Variants in ACLY observed in about 807,000 individuals in gnomAD.
ACLY encodes ATP citrate lyase.
In ACLY, 41 loss-of-function variants were observed where a neutral mutation model predicts 133.0. That is an observed-to-expected ratio of 0.31 (90% confidence interval 0.24 to 0.40). The LOEUF is 0.40. Ranked by LOEUF, ACLY falls within the 10% of genes least tolerant of loss-of-function variation. The probability of loss-of-function intolerance (pLI) is 1.00; values close to 1 mark genes in which losing one functional copy is unlikely to be tolerated. For missense variants in ACLY, 1,046 were observed against 1,453.8 expected, an observed-to-expected ratio of 0.72 and a Z score of 4.56; for synonymous variants, 495 against 549.3, an observed-to-expected ratio of 0.90 and a Z score of 1.38.
At chr17:41,920,690 A>G (rs1267144464), upstream of ACLY, among the ~76,000 whole-genome samples, 2 of 151,684 alleles carry the variant, frequency 1.3e-5, no homozygotes, top group African/African-American at 4.8e-5. Context: ...GCAGATTGCT[A>G]GAGCCCAGAA....
At chr17:41,921,621 A>C (rs1343992182), upstream of ACLY, among the ~76,000 whole-genome samples, 1 of 152,168 alleles carries the variant, frequency 6.6e-6, no homozygotes, top group African/African-American at 2.4e-5. Flanking sequence ...TGAGCCCAGG[A>C]GTTCCAACCC....
At chr17:41,913,630 T>G in intron 2 of ACLY, 85 bp downstream of exon 2, 1 of 1,445,406 alleles carries the variant, frequency 6.9e-7, no homozygotes, top group Non-Finnish European at 9.5e-7. Context: ...CCCATGACCC[T>G]ATCGGCATCA....
intron 1 of ACLY, among the ~76,000 whole-genome samples, chr17:41,916,736 CTCT>C (rs2050062074): frequency 6.6e-6 from 1 of 152,058 alleles, no homozygotes; most frequent in Non-Finnish European, 1.5e-5. Context: ...AGGCCTCAGA[CTCT>C]TCTGAGACTG....
chr17:41,879,505 CCTCCTTGGG>C (rs1169371643), intron 20 of ACLY, among the ~76,000 whole-genome samples: 2 of 146,770 alleles, frequency 1.4e-5, no homozygotes, highest in African/African-American at 5.0e-5. Flanking sequence ...GGCACCTTGG[CCTCCTTGGG>C]CTCAGGTAAT....
chr17:41,922,399 G>C (rs1481906374), upstream of ACLY, among the ~76,000 whole-genome samples: 2 of 146,818 alleles, frequency 1.4e-5, no homozygotes, highest in African/African-American at 5.1e-5. Context: ...AAAAGATGCA[G>C]TCAGCCGTGA....
In ACLY at chr17:41,913,703, G is replaced by T; in HGVS notation, c.159+12C>A. On this transcript the variant is annotated intron_variant, in intron 2 of 28. Coordinates refer to ENST00000352035, the MANE Select transcript of ACLY (RefSeq NM_001096.3). ...GCCTGGAAGAAAGGCCCAAAGTGGA[G>T]GCAGGGCTCACCTGGCTGAGCAGCC... 6.2e-7 allele frequency: 1 copy of T among 1,613,094 alleles called. No individual in the cohort carries two copies.
intron 8 of ACLY, among the ~76,000 whole-genome samples, chr17:41,906,074 A>T (rs1369008833): frequency 1.3e-5 from 2 of 152,226 alleles, no homozygotes; most frequent in Non-Finnish European, 2.9e-5. Flanking sequence ...GCAGGTGTCT[A>T]CCATGCTTAA....
chr17:41,876,389 G>A (rs1194902926), intron 22 of ACLY, among the ~76,000 whole-genome samples: 9 of 152,184 alleles, frequency 5.9e-5, no homozygotes, highest in Admixed American at 2.6e-4. Context: ...CCCTCTGCCC[G>A]GCCACCACCC....
chr17:41,898,578 T>C (rs1166544188), intron 12 of ACLY, 53 bp downstream of exon 12: 1 of 1,592,016 alleles, frequency 6.3e-7, no homozygotes, highest in Non-Finnish European at 8.6e-7. Context: ...TGTATCCTAG[T>C]GGAAAAGATG....
intron 11 of ACLY, among the ~76,000 whole-genome samples, chr17:41,899,687 G>C (rs1221328395): frequency 6.6e-6 from 1 of 152,038 alleles, no homozygotes; most frequent in Non-Finnish European, 1.5e-5. Flanking sequence ...GCATGATCTG[G>C]TAACTTCACT....
chr17:41,907,611 T>C, intron 6 of ACLY, 39 bp from the exon 7 acceptor site: 2 of 1,603,294 alleles, frequency 1.2e-6, no homozygotes, highest in Non-Finnish European at 1.7e-6. Flanking sequence ...ACACCGGCTC[T>C]GGGTAGAGAC....
chr17:41,904,855 A>G lies in ACLY; in HGVS notation c.1004-65T>C, dbSNP rs1242131409. On this transcript the variant is annotated intron_variant, in intron 9 of 28. Coordinates refer to ENST00000352035, the MANE Select transcript of ACLY (RefSeq NM_001096.3). ...GGTAGACTTGAGCATCTTCCCAGCAATCCAACTGAGGAAGTTCTTGTTCCC... is the reference window on the plus strand; with the variant it reads ...GGTAGACTTGAGCATCTTCCCAGCAGTCCAACTGAGGAAGTTCTTGTTCCC... 1.3e-5 allele frequency: 19 copies of G among 1,490,860 alleles called. No individual in the cohort carries two copies. The African/African-American group carries it at 2.6e-4, about 21-fold the overall frequency. 92.4% of individuals were successfully genotyped at this position (1,490,860 alleles called of 1,614,324 possible). A position where few individuals can be genotyped will look rare whatever the true frequency, so the allele number is the denominator to read the frequency against.
intron 1 of ACLY, among the ~76,000 whole-genome samples, chr17:41,915,635 T>C (rs1314031906): frequency 6.6e-6 from 1 of 152,208 alleles, no homozygotes; most frequent in African/African-American, 2.4e-5. Context: ...TTCCCTTTTC[T>C]GGCCTTCCCC....
In ACLY at chr17:41,892,345, C is replaced by CA; in HGVS notation, c.1703dup (p.Leu569AlafsTer12). On this transcript the variant is annotated frameshift_variant, in exon 16 of 29. Coordinates refer to ENST00000352035, the MANE Select transcript of ACLY (RefSeq NM_001096.3). LOFTEE classifies it high-confidence loss of function. The stretch of plus-strand genomic sequence containing the variant: ...AGCGGAGAGAGGCAAAGTTGATGAG[C>CA]ACATCTACCTCCGGATGCTTCCTCA... 1 of 1,610,322 alleles carries CA rather than the reference C, an allele frequency of 6.2e-7. No homozygotes were observed. Among genetic ancestry groups the CA allele is most frequent in the Non-Finnish European group, 8.5e-7 (1 of 1,179,520 alleles).
intron 3 of ACLY, among the ~76,000 whole-genome samples, chr17:41,910,510 G>A (rs1598039190): frequency 6.6e-6 from 1 of 152,216 alleles, no homozygotes; most frequent in Non-Finnish European, 1.5e-5. Context: ...AACAGGCACC[G>A]ACCTTGCCCA....
At chr17:41,881,196 G>A (rs1597984354) in intron 20 of ACLY, among the ~76,000 whole-genome samples, 2 of 151,980 alleles carry the variant, frequency 1.3e-5, no homozygotes, top group Non-Finnish European at 2.9e-5. Flanking sequence ...TTGGGAGGCC[G>A]AGGCAGGTGG....
rs978298950 is a variant in ACLY, at chr17:41,872,104, G to C, written c.2721C>G (p.Ala907=). Residue 907 remains alanine, a synonymous_variant, in exon 24 of 29, where the codon GCC becomes GCG. Transcript: ENST00000352035. The part of the protein sequence containing the change: ...TADHGPAVSG[A]HNTIICARAG... Reference sequence around the variant, plus strand: ...CTCGCGCACAAATGATGGTGTTGTGGGCTCCAGAGACGGCTGGCCCGTGAT... The same window carrying C: ...CTCGCGCACAAATGATGGTGTTGTGCGCTCCAGAGACGGCTGGCCCGTGAT... The C allele has an allele frequency of 6.2e-7, 1 of 1,614,074 alleles. No individual in the cohort carries two copies. The highest frequency in any genetic ancestry group is 1.7e-5 in the Admixed American group (1 of 60,016).
chr17:41,911,932 T>C (rs1247164730), intron 3 of ACLY, among the ~76,000 whole-genome samples: 2 of 152,066 alleles, frequency 1.3e-5, no homozygotes, highest in Non-Finnish European at 2.9e-5. Flanking sequence ...CTGGCCAACA[T>C]GGAGAAACCT....
At chr17:41,875,244 G>A (rs2048703050) in intron 22 of ACLY, among the ~76,000 whole-genome samples, 1 of 151,694 alleles carries the variant, frequency 6.6e-6, no homozygotes, top group African/African-American at 2.4e-5. Context: ...CAGTTACTCG[G>A]GAGGCTAAGG....
Sources: allele counts gnomAD v4.1 joint callset (sites outside exome capture counted in the v4.1 genomes callset), GRCh38; gene constraint gnomAD v4.1.1; transcripts MANE v1.5; gene names NCBI Gene and HGNC (gene_info 2026-07-23, HGNC 2026-07-21).